CLDN10: variants seen among roughly 807,000 people sequenced by gnomAD.
CLDN10 encodes claudin-10.
Under a neutral mutation model 22.9 loss-of-function variants are expected in CLDN10, and 15 were observed. That is an observed-to-expected ratio of 0.65 (90% confidence interval 0.44 to 1.01). The LOEUF is 1.01. Ranked by LOEUF, CLDN10 falls within the 50% of genes least tolerant of loss-of-function variation. The pLI, the probability that CLDN10 is intolerant of heterozygous loss-of-function variation, is 0.00. For synonymous variants in CLDN10, 114 were observed against 111.4 expected (o/e 1.02, Z -0.15); for missense variants, 247 against 287.8 (o/e 0.86, Z 1.03).
chr13:95,460,883 C>A (rs567882445), intron 1 of CLDN10, among the ~76,000 whole-genome samples: 2 of 152,100 alleles, frequency 1.3e-5, no homozygotes, highest in Non-Finnish European at 2.9e-5. Context: ...CTGAGGCCGG[C>A]GGATTGCCTG....
At position 95,530,612 on chromosome 13, in the gene CLDN10, G is replaced by A. The variant is rs576756615; in HGVS notation, c.215-29520G>A. On this transcript the variant is annotated intron_variant, in intron 1 of 4. Transcript: ENST00000376873. ...CATAAAGGAGAATGTTAATGCTATGGTTACAAGCTTTTACACAAAGAAAAA... is the reference window on the plus strand; with the variant it reads ...CATAAAGGAGAATGTTAATGCTATGATTACAAGCTTTTACACAAAGAAAAA... Among the ~76,000 whole-genome samples, 12 of 152,260 alleles carry A rather than the reference G, an allele frequency of 7.9e-5. No individual in the cohort carries two copies. In the South Asian group the frequency reaches 2.5e-3, roughly 32 times the overall value.
At chr13:95,539,930 A>C (rs190032025) in intron 1 of CLDN10, among the ~76,000 whole-genome samples, 1 of 151,332 alleles carries the variant, frequency 6.6e-6, no homozygotes, top group Non-Finnish European at 1.5e-5. Context: ...CGAGGTGGGC[A>C]GATCACCTAA....
chr13:95,577,133 AACAT>A (rs2043943745), intron 3 of CLDN10, 94 bp from the exon 4 acceptor site: 1 of 779,206 alleles, frequency 1.3e-6, no homozygotes, highest in Non-Finnish European at 2.1e-6. Flanking sequence ...ATAGCAAAAA[AACAT>A]AATAAGCATT....
intron 1 of CLDN10, among the ~76,000 whole-genome samples, chr13:95,464,254 T>TA (rs1426594890): frequency 2.0e-5 from 3 of 151,896 alleles, no homozygotes; most frequent in Non-Finnish European, 4.4e-5. Flanking sequence ...CCTCCCGCCT[T>TA]CCCCCACCCC....
intron 1 of CLDN10, among the ~76,000 whole-genome samples, chr13:95,509,225 A>G (rs1212522022): frequency 6.6e-6 from 1 of 152,210 alleles, no homozygotes; most frequent in Non-Finnish European, 1.5e-5. Context: ...TCTGTTTTGG[A>G]TAACTACTTA....
chr13:95,519,915 T>G (rs35521009), intron 1 of CLDN10, among the ~76,000 whole-genome samples: 1 of 152,170 alleles, frequency 6.6e-6, no homozygotes, highest in African/African-American at 2.4e-5. Context: ...AAATCACCCA[T>G]GAAAATCAGA....
chr13:95,511,089 G>T (rs1271483356), intron 1 of CLDN10, among the ~76,000 whole-genome samples: 1 of 152,146 alleles, frequency 6.6e-6, no homozygotes, highest in Admixed American at 6.5e-5. Flanking sequence ...TCATGACAGG[G>T]ATCATTTTTT....
intron 3 of CLDN10, among the ~76,000 whole-genome samples, chr13:95,576,053 GC>G (rs1316750515): frequency 6.6e-6 from 1 of 152,164 alleles, no homozygotes; most frequent in African/African-American, 2.4e-5. Context: ...ACACCAGAAA[GC>G]CTGCCCATGT....
At chr13:95,555,047 GTT>G (rs71211686) in intron 1 of CLDN10, among the ~76,000 whole-genome samples, 1 of 108,632 alleles carries the variant, frequency 9.2e-6, no homozygotes, top group African/African-American at 3.5e-5. Flanking sequence ...TGTTAATCCA[GTT>G]TTTTTTTTTT....
At chr13:95,444,692 T>C (rs111606482) in intron 1 of CLDN10, among the ~76,000 whole-genome samples, 2 of 152,364 alleles carry the variant, frequency 1.3e-5, no homozygotes, top group African/African-American at 2.4e-5. Flanking sequence ...CCAAAAATTA[T>C]TAACTGCATG....
At position 95,560,276 on chromosome 13, in the gene CLDN10, T is replaced by G; in HGVS notation, c.365T>G (p.Ile122Ser). The G allele has an allele frequency of 6.2e-7, 1 of 1,614,190 alleles. No individual in the cohort carries two copies. The highest frequency in any genetic ancestry group is 1.1e-5 in the South Asian group (1 of 91,072). ...AKAKIACLAGIVFILSGLCSM... is the reference protein window; with the variant it reads ...AKAKIACLAGSVFILSGLCSM... Reference sequence around the variant, plus strand: ...GCTAAAATTGCTTGTTTGGCTGGGATTGTATTCATACTGTCAGGTAAATAG... The same window carrying G: ...GCTAAAATTGCTTGTTTGGCTGGGAGTGTATTCATACTGTCAGGTAAATAG... The change falls in exon 2 of 5, where the codon ATT (isoleucine) becomes AGT (serine). Residue 122 changes from isoleucine to serine, a missense_variant. By Grantham distance (142) the Ile-to-Ser change is moderately radical. Transcript: ENST00000299339.
intron 3 of CLDN10, among the ~76,000 whole-genome samples, chr13:95,563,503 T>G (rs2138664888): frequency 6.6e-6 from 1 of 152,270 alleles, no homozygotes; most frequent in East Asian, 1.9e-4. Flanking sequence ...ACAGGCCCTT[T>G]GCATCAAGGT....
chr13:95,538,157 T>C (rs1160895961), intron 1 of CLDN10, among the ~76,000 whole-genome samples: 133 of 69,184 alleles, frequency 1.9e-3, no homozygotes, highest in African/African-American at 5.4e-3. Flanking sequence ...TTATTTCTTT[T>C]TTTTTTTTTT....
rs1566348288 is a variant in CLDN10 at position 95,577,335 on chromosome 13, C to T, written c.569C>T (p.Pro190Leu). 4 of 1,601,734 alleles carry T rather than the reference C, an allele frequency of 2.5e-6. 1 individual carries two copies. The South Asian group carries it at 4.4e-5, about 18-fold the overall frequency. ...CFSISDNNKT[P>L]RYTYNGATSV... is the part of the protein sequence containing the mutation. ...TCAATATCTGACAACAACAAAACAC[C>T]CAGGTATGAAAAAGAGACAAAAATG... The change falls in exon 4 of 5, where the codon CCC (proline) becomes CTC (leucine). Residue 190 changes from proline (P) to leucine (L), a missense_variant. Coordinates refer to ENST00000299339, the MANE Select transcript of CLDN10 (RefSeq NM_006984.5).
intron 1 of CLDN10, among the ~76,000 whole-genome samples, chr13:95,531,696 A>ATTT (rs554517238): frequency 5.8e-5 from 8 of 137,798 alleles, no homozygotes; most frequent in African/African-American, 1.9e-4. Context: ...CGCCTGGCTA[A>ATTT]TTTTTTTTTT....
Position 95,439,522 on chromosome 13 carries a change from C to G in CLDN10, c.214+5475C>G, listed in dbSNP as rs192093835. ...CTAATTTCTGTATTTTTAATAGAGACAGAGTTTTGCTGGGTTGTCCAGGTT... is the reference window on the plus strand; with the variant it reads ...CTAATTTCTGTATTTTTAATAGAGAGAGAGTTTTGCTGGGTTGTCCAGGTT... On this transcript the variant is annotated intron_variant, in intron 1 of 4. Coordinates refer to the CLDN10 transcript ENST00000376873. Among the ~76,000 whole-genome samples the G allele has an allele frequency of 4.6e-5, 7 of 152,156 alleles. No homozygotes were observed. In the East Asian group the frequency reaches 1.4e-3, roughly 29 times the overall value.
chr13:95,554,438 G>A (rs1303012264), intron 1 of CLDN10, among the ~76,000 whole-genome samples: 1 of 152,190 alleles, frequency 6.6e-6, no homozygotes, highest in Non-Finnish European at 1.5e-5. Flanking sequence ...ATTATTAAGT[G>A]CAGAATAATA....
chr13:95,568,898 G>T (rs527828758), intron 3 of CLDN10, among the ~76,000 whole-genome samples: 3 of 152,092 alleles, frequency 2.0e-5, no homozygotes, highest in Non-Finnish European at 2.9e-5. Context: ...CTGGATCCAG[G>T]CTGCCTGAGA....
At chr13:95,489,473 A>G (rs928894335) in intron 1 of CLDN10, among the ~76,000 whole-genome samples, 6 of 151,914 alleles carry the variant, frequency 3.9e-5, no homozygotes, top group Non-Finnish European at 7.4e-5. Context: ...TTCCCTGATC[A>G]TTGGTGATGT....
Sources: allele counts gnomAD v4.1 joint callset (sites outside exome capture counted in the v4.1 genomes callset), GRCh38; gene constraint gnomAD v4.1.1; transcripts MANE v1.5; gene names NCBI Gene and HGNC (gene_info 2026-07-23, HGNC 2026-07-21).